The following SYNE2 variants were observed in gnomAD, a reference collection of about 807,000 sequenced individuals.
SYNE2 encodes nesprin-2.
Under a neutral mutation model 856.3 loss-of-function variants are expected in SYNE2, and 431 were observed. The observed-to-expected ratio is 0.50, with a 90% CI of 0.47 to 0.55. SYNE2 has a LOEUF of 0.55. SYNE2 is among the 20% of genes least tolerant of loss of function. The probability of loss-of-function intolerance (pLI) is 0.00; values close to 1 mark genes in which losing one functional copy is unlikely to be tolerated. For missense variants in SYNE2, 8,129 were observed against 8,023.2 expected (o/e 1.01, Z -0.50); for synonymous variants, 2,923 against 2,872.3 (o/e 1.02, Z -0.56).
chr14:63,953,261 G>C (rs2096192129), intron 7 of SYNE2, among the ~76,000 whole-genome samples: 1 of 152,206 alleles, frequency 6.6e-6, no homozygotes, highest in Non-Finnish European at 1.5e-5. Context: ...TGGTAAGGCA[G>C]GGCTTTGCTG....
intron 1 of SYNE2, among the ~76,000 whole-genome samples, chr14:63,858,783 T>C (rs987938301): frequency 6.6e-6 from 1 of 152,150 alleles, no homozygotes; most frequent in African/African-American, 2.4e-5. Context: ...CCATAGCAAA[T>C]TTATTACATT....
intron 71 of SYNE2, among the ~76,000 whole-genome samples, chr14:64,125,771 C>G (rs1274383052): frequency 6.6e-6 from 1 of 152,192 alleles, no homozygotes; most frequent in Non-Finnish European, 1.5e-5. Context: ...ATGCATGACA[C>G]TGGGGACGTG....
chr14:63,814,526 T>G (rs1379483526), intron 1 of SYNE2, among the ~76,000 whole-genome samples: 1 of 141,082 alleles, frequency 7.1e-6, no homozygotes, highest in Non-Finnish European at 1.5e-5. Context: ...CCATTATATA[T>G]ATCCATATAT....
intron 1 of SYNE2, among the ~76,000 whole-genome samples, chr14:63,853,973 T>G (rs563084822): frequency 7.2e-5 from 11 of 152,106 alleles, no homozygotes; most frequent in Non-Finnish European, 1.6e-4. Flanking sequence ...AGCGCCTTAT[T>G]TGATTGAGGC....
chr14:63,997,689 A>T (rs1035534212), intron 25 of SYNE2, among the ~76,000 whole-genome samples: 4 of 152,172 alleles, frequency 2.6e-5, no homozygotes, highest in Non-Finnish European at 5.9e-5. Context: ...AGGGTAGAAG[A>T]GGTTGAGCTT....
intron 1 of SYNE2, among the ~76,000 whole-genome samples, chr14:63,890,896 G>C (rs533870107): frequency 1.3e-5 from 2 of 152,194 alleles, no homozygotes; most frequent in African/African-American, 4.8e-5. Flanking sequence ...GCTCCTCTCT[G>C]TTCCTGTCTC....
intron 31 of SYNE2, among the ~76,000 whole-genome samples, chr14:64,008,222 A>G (rs556793381): frequency 9.9e-5 from 15 of 152,264 alleles, no homozygotes; most frequent in African/African-American, 3.6e-4. Flanking sequence ...GAGGACCCTT[A>G]TGATTACACC....
chr14:63,874,578 T>TTA (rs1459157012), intron 1 of SYNE2, among the ~76,000 whole-genome samples: 1 of 152,154 alleles, frequency 6.6e-6, no homozygotes, highest in Non-Finnish European at 1.5e-5. Flanking sequence ...AGCCAGAACT[T>TTA]TAGAGTTAAG....
chr14:63,897,659 C>T (rs767458433), intron 1 of SYNE2, among the ~76,000 whole-genome samples: 2 of 152,204 alleles, frequency 1.3e-5, no homozygotes, highest in Non-Finnish European at 2.9e-5. Context: ...GCAGCCGGTG[C>T]TGTTCTGGCC....
At chr14:64,024,095 C>A (rs142224785) in intron 38 of SYNE2, 162 bp from the exon 39 acceptor site, 3 of 640,388 alleles carry the variant, frequency 4.7e-6, no homozygotes, top group Admixed American at 4.7e-5. Context: ...TATTATAAAT[C>A]ATCTGCCATT....
At chr14:63,919,163 G>A (rs2095566929) in intron 2 of SYNE2, among the ~76,000 whole-genome samples, 1 of 152,170 alleles carries the variant, frequency 6.6e-6, no homozygotes, top group African/African-American at 2.4e-5. Context: ...TTTTGGGTAA[G>A]AGAATATTGA....
At chr14:63,778,395 G>C (rs1207770942) in intron 1 of SYNE2, among the ~76,000 whole-genome samples, 1 of 152,086 alleles carries the variant, frequency 6.6e-6, no homozygotes, top group Non-Finnish European at 1.5e-5. Context: ...GAAAATGGAT[G>C]AATACATGCT....
In SYNE2 at chr14:64,152,668, A is replaced by G. The variant is rs904997928; in HGVS notation, c.15744A>G (p.Ala5248=). The change falls in exon 85 of 116, where the codon GCA becomes GCG. Residue 5248 remains alanine, a synonymous_variant. Coordinates refer to ENST00000555002, the MANE Select transcript of SYNE2 (RefSeq NM_182914.3). ...SGAVPLLEDT[A]SRIDELFQKR... is the part of the protein sequence containing the mutation. ...CAGTGCCATTGTTAGAAGATACAGC[A>G]TCCCGAATTGATGAGTTATTTCAAA... 4.3e-6 allele frequency: 7 copies of G among 1,614,016 alleles called. No homozygotes were observed. The highest frequency in any genetic ancestry group is 1.7e-5 in the Admixed American group (1 of 60,000).
intron 48 of SYNE2, among the ~76,000 whole-genome samples, chr14:64,054,781 A>G (rs2097256113): frequency 2.0e-5 from 3 of 152,182 alleles, no homozygotes; most frequent in Non-Finnish European, 1.5e-5. Flanking sequence ...ATGTAATGCC[A>G]TACATAGTGT....
intron 84 of SYNE2, among the ~76,000 whole-genome samples, chr14:64,148,980 T>C (rs531736409): frequency 4.7e-4 from 67 of 142,050 alleles, no homozygotes; most frequent in Non-Finnish European, 7.7e-4. Flanking sequence ...ATTTCTCTTT[T>C]TTTTTTTTTT....
At chr14:63,985,855 A>C (rs1289539536) in intron 18 of SYNE2, among the ~76,000 whole-genome samples, 3 of 152,094 alleles carry the variant, frequency 2.0e-5, no homozygotes, top group Non-Finnish European at 1.5e-5. Context: ...CAAAATATAA[A>C]AACTTAGCTA....
At chr14:64,191,851 A>T (rs2139670736) in intron 99 of SYNE2, among the ~76,000 whole-genome samples, 1 of 152,334 alleles carries the variant, frequency 6.6e-6, no homozygotes. Flanking sequence ...ACCATTCTTG[A>T]CTTTCCCACT....
chr14:64,008,311 C>A (rs1449263252), intron 31 of SYNE2, among the ~76,000 whole-genome samples: 1 of 152,180 alleles, frequency 6.6e-6, no homozygotes, highest in Non-Finnish European at 1.5e-5. Context: ...TCCCTTTTGC[C>A]TTGTGAGGTA....
intron 48 of SYNE2, among the ~76,000 whole-genome samples, chr14:64,054,418 G>C (rs1448070708): frequency 6.6e-6 from 1 of 152,132 alleles, no homozygotes; most frequent in Admixed American, 6.5e-5. Flanking sequence ...TGTGAGATGA[G>C]TGCTATTATT....
Sources: allele counts gnomAD v4.1 joint callset (sites outside exome capture counted in the v4.1 genomes callset), GRCh38; gene constraint gnomAD v4.1.1; transcripts MANE v1.5; gene names NCBI Gene and HGNC (gene_info 2026-07-23, HGNC 2026-07-21).